CIZ1: variants seen among roughly 807,000 people sequenced by gnomAD.
CIZ1 encodes cip1-interacting zinc finger protein.
CIZ1 carries 58 observed loss-of-function variants against 118.6 expected under a neutral mutation model. That is an observed-to-expected ratio of 0.49 (90% confidence interval 0.40 to 0.61). The LOEUF (loss-of-function observed/expected upper bound fraction) is 0.61, where lower values mean the gene tolerates loss of function less well. Ranked by LOEUF, CIZ1 falls within the 20% of genes least tolerant of loss-of-function variation. The pLI is 0.00. For synonymous variants in CIZ1, 448 were observed against 443.4 expected (o/e 1.01, Z -0.13); for missense variants, 921 against 1,115.9 (o/e 0.83, Z 2.49).
At position 128,178,432 on chromosome 9, in the gene CIZ1, C is replaced by T; in HGVS notation, c.1557G>A (p.Gln519=). ...VGTQVSMEEI[Q]NESACGLDVG... ...CATCTAGGCCACAGGCCGACTCATT[C>T]TGAATCTCTTCCATGCTGACTTGGG... Residue 519 remains glutamine (Q), a synonymous_variant, in exon 9 of 17, where the codon CAG becomes CAA. Transcript: ENST00000372938. 1 of 1,614,118 alleles carries T rather than the reference C, an allele frequency of 6.2e-7. No homozygotes were observed. Among genetic ancestry groups the T allele is most frequent in the Non-Finnish European group, 8.5e-7 (1 of 1,180,008 alleles).
rs1758785440 is a variant in CIZ1 at position 128,180,482 on chromosome 9, T to G, written c.724A>C (p.Lys242Gln). ...PPCPEDIAKE[K>Q]RTPAPEPEPC... ...TCAGGCTCAGGTGCTGGAGTGCGTTTTTCCTTGGCGATGTCCTCTGGGCAG... is the reference window on the plus strand; with the variant it reads ...TCAGGCTCAGGTGCTGGAGTGCGTTGTTCCTTGGCGATGTCCTCTGGGCAG... The change falls in exon 7 of 17, where the codon AAA (lysine) becomes CAA (glutamine). Residue 242 changes from lysine to glutamine, a missense_variant. Physicochemically the swap from Lys to Gln is moderately conservative, Grantham distance 53. Transcript: ENST00000372938. The G allele has an allele frequency of 6.2e-7, 1 of 1,613,998 alleles. No homozygotes were observed.
intron 1 of CIZ1, among the ~76,000 whole-genome samples, chr9:128,201,128 C>A (rs143212608): frequency 6.6e-6 from 1 of 151,782 alleles, no homozygotes; most frequent in African/African-American, 2.4e-5. Context: ...ATTAGCCGGG[C>A]GTGGTGGCAC....
intron 1 of CIZ1, chr9:128,197,837 A>G (rs1206707750): frequency 2.0e-5 from 3 of 152,348 alleles, no homozygotes; most frequent in Admixed American, 6.5e-5. Context: ...CTTTACCTAA[A>G]TTATTATTAC....
chr9:128,168,443 G>A (rs967955949), intron 14 of CIZ1, among the ~76,000 whole-genome samples: 8 of 151,604 alleles, frequency 5.3e-5, no homozygotes, highest in African/African-American at 7.3e-5. Context: ...ATGAACCCAG[G>A]AGGTGGAGGT....
intron 4 of CIZ1, among the ~76,000 whole-genome samples, chr9:128,186,043 C>T (rs1435224859): frequency 1.3e-5 from 2 of 152,102 alleles, no homozygotes; most frequent in Admixed American, 1.3e-4. Context: ...TCTGCTCACC[C>T]TCAGGCATGC....
intron 5 of CIZ1, 136 bp downstream of exon 5, chr9:128,185,411 C>T: frequency 2.0e-6 from 1 of 494,716 alleles, no homozygotes; most frequent in Middle Eastern, 5.3e-4. Context: ...CCGCCCCCCT[C>T]ATTTTACAGA....
upstream of CIZ1, among the ~76,000 whole-genome samples, chr9:128,194,930 A>G (rs1833340805): frequency 6.6e-6 from 1 of 151,982 alleles, no homozygotes; most frequent in African/African-American, 2.4e-5. Context: ...GGAGCCTCCT[A>G]CCTCAGCCTC....
At chr9:128,183,616 A>G (rs1831975972) in intron 5 of CIZ1, among the ~76,000 whole-genome samples, 1 of 152,240 alleles carries the variant, frequency 6.6e-6, no homozygotes, top group Non-Finnish European at 1.5e-5. Context: ...TCTCCTGCTT[A>G]TGCCAGGAGA....
upstream of CIZ1, chr9:128,191,615 G>C: frequency 3.3e-6 from 4 of 1,207,036 alleles, no homozygotes; most frequent in Non-Finnish European, 3.1e-6. This position sits in a 1 kb window ranked among gnomAD's most constrained non-coding sequence, Gnocchi z 5.5. Context: ...GCCCTCTGGG[G>C]GACGGGAGGT....
At chr9:128,168,208 G>C (rs1159047045) in intron 14 of CIZ1, among the ~76,000 whole-genome samples, 1 of 152,186 alleles carries the variant, frequency 6.6e-6, no homozygotes, top group Admixed American at 6.5e-5. Flanking sequence ...ACACTCTCTG[G>C]AAACGTGTTA....
intron 4 of CIZ1, 102 bp downstream of exon 4, chr9:128,187,761 C>T (rs1588239468): frequency 8.2e-6 from 3 of 363,840 alleles, no homozygotes; most frequent in East Asian, 9.2e-5. Flanking sequence ...TGCACTAGCA[C>T]TCTAAGAAAT....
At chr9:128,201,971 CCCCGCCCCT>C (rs1404714663) in intron 1 of CIZ1, among the ~76,000 whole-genome samples, 1 of 152,222 alleles carries the variant, frequency 6.6e-6, no homozygotes, top group Admixed American at 6.5e-5. Context: ...CACCACCCTA[CCCCGCCCCT>C]GCTTTCTTGC....
chr9:128,188,050 A>C, intron 3 of CIZ1, 116 bp from the exon 4 acceptor site: 1 of 163,200 alleles, frequency 6.1e-6, no homozygotes, highest in Non-Finnish European at 1.0e-5. Flanking sequence ...TTAAAACAGC[A>C]AAAAAAAAAA....
Position 128,185,769 on chromosome 9 carries a change from G to T in CIZ1, c.366C>A (p.Leu122=), listed in dbSNP as rs1832285298. Residue 122 remains leucine, a synonymous_variant, in exon 5 of 17, where the codon CTC becomes CTA. Transcript: ENST00000372938. ...CTGGGGATGCCATGCCATAGCCTCG[G>T]AGGTTACCTGCAGGCAAGAAGACAG... ...LTMPTATLGN[L]RGYGMASPGL... The T allele has an allele frequency of 6.2e-7, 1 of 1,612,644 alleles. No individual in the cohort carries two copies. Among genetic ancestry groups the T allele is most frequent in the Non-Finnish European group, 8.5e-7 (1 of 1,179,064 alleles).
At chr9:128,185,209 C>T (rs978917266) in intron 5 of CIZ1, among the ~76,000 whole-genome samples, 6 of 152,038 alleles carry the variant, frequency 3.9e-5, no homozygotes, top group African/African-American at 1.4e-4. Context: ...ACCTGGGAGA[C>T]GGAGGTTGCA....
In CIZ1 at chr9:128,184,489, A is replaced by ATTT. The variant is rs35204850; in HGVS notation, c.588+1055_588+1057dup. Among the ~76,000 whole-genome samples the ATTT allele has an allele frequency of 2.2e-3, 246 of 112,042 alleles. 1 individual carries two copies. The highest frequency in any genetic ancestry group is 6.0e-3 in the East Asian group (24 of 4,022). 73.5% of individuals were successfully genotyped at this position (112,042 alleles called of 152,430 possible). On this transcript the variant is annotated intron_variant, in intron 5 of 16. Transcript: ENST00000372938. ...ATTTTATTTCTACTGGGCAGTGCTG[A>ATTT]TTTTTTTTTTTTTTTTTTTTTGAGA...
At position 128,166,331 on chromosome 9, in the gene CIZ1, C is replaced by T. The variant is rs755157078; in HGVS notation, c.2563G>A (p.Ala855Thr). ...SRRCAINARN[A>T]LTALFTSSGR... ...CTGGAGGTGAACAGGGCTGTCAAAG[C>T]GTTCCGGGCGTTGATTGCGCACCGG... Residue 855 changes from alanine to threonine, a missense_variant, in exon 17 of 17, where the codon GCT (alanine) becomes ACT (threonine). By Grantham distance (58) the Ala-to-Thr change is moderately conservative. Transcript: ENST00000372938. This position sits in a 1 kb window ranked among gnomAD's most constrained non-coding sequence, Gnocchi z 4.4. The T allele has an allele frequency of 7.7e-6, 12 of 1,565,362 alleles. No homozygotes were observed. Among genetic ancestry groups the T allele is most frequent in the South Asian group, 2.4e-5 (2 of 85,044 alleles).
rs1832258219 is a variant in CIZ1 at position 128,185,560 on chromosome 9, G to C, written c.575C>G (p.Thr192Ser). The change falls in exon 5 of 17, where the codon ACC becomes AGC. Residue 192 changes from threonine to serine, a missense_variant. Physicochemically the swap from Thr to Ser is moderately conservative, Grantham distance 58. Coordinates refer to ENST00000372938, the MANE Select transcript of CIZ1 (RefSeq NM_001131016.2). Reference sequence around the variant, plus strand: ...CCTACCACTCACCTTTCGATTGGGGGTGGTAGAGGAGGAGGTCCGGGCCTG... The same window carrying C: ...CCTACCACTCACCTTTCGATTGGGGCTGGTAGAGGAGGAGGTCCGGGCCTG... ...QKQARTSSSTTPNRKDSSSQT... is the reference protein window; with the variant it reads ...QKQARTSSSTSPNRKDSSSQT... 1 of 1,517,382 alleles carries C rather than the reference G, an allele frequency of 6.6e-7. No individual in the cohort carries two copies. The highest frequency in any genetic ancestry group is 2.2e-5 in the Admixed American group (1 of 45,086). 94.0% of individuals were successfully genotyped at this position (1,517,382 alleles called of 1,614,324 possible).
Position 128,166,795 on chromosome 9 carries a change from G to A in CIZ1, c.2451C>T (p.Ser817=), listed in dbSNP as rs771838874. The A allele has an allele frequency of 6.2e-7, 1 of 1,614,172 alleles. No individual in the cohort carries two copies. Among genetic ancestry groups the A allele is most frequent in the East Asian group, 2.2e-5 (1 of 44,882 alleles). The change falls in exon 16 of 17, where the codon TCC becomes TCT. Residue 817 remains serine, a synonymous_variant. Coordinates refer to ENST00000372938, the MANE Select transcript of CIZ1 (RefSeq NM_001131016.2). This position sits in a 1 kb window ranked among gnomAD's most constrained non-coding sequence, Gnocchi z 4.4. ...FYHSNSGAQL[S]HCKSLGHFEN... ...CAAAGTGGCCCAGGGACTTGCAGTG[G>A]GAGAGCTGTGCCCCTGAGTTGCTGT...
Sources: allele counts gnomAD v4.1 joint callset (sites outside exome capture counted in the v4.1 genomes callset), GRCh38; gene constraint gnomAD v4.1.1; non-coding constraint Gnocchi (gnomAD v3.1); transcripts MANE v1.5; gene names NCBI Gene and HGNC (gene_info 2026-07-23, HGNC 2026-07-21).